PCDH11Y: variants seen among roughly 807,000 people sequenced by gnomAD.
The protein encoded by PCDH11Y is protocadherin-11 Y-linked.
For synonymous variants in PCDH11Y, 9 were observed against 83.6 expected (o/e 0.11, Z 4.87); for missense variants, 12 against 224.8 (o/e 0.05, Z 6.05).
intron 2 of PCDH11Y, among the ~76,000 whole-genome samples, chrY:5,406,935 A>G: frequency 6.1e-5 from 2 of 32,885 alleles, no homozygotes; most frequent in African/African-American, 1.2e-4. Flanking sequence ...ACCTTTTGCT[A>G]TGTAATCTTT....
chrY:5,237,596 A>C (rs2052977234), intron 2 of PCDH11Y, among the ~76,000 whole-genome samples: 1 of 32,275 alleles, frequency 3.1e-5, no homozygotes, highest in Non-Finnish European at 7.6e-5. Context: ...AGAAGGAAAT[A>C]AAGGGTATTC....
intron 4 of PCDH11Y, among the ~76,000 whole-genome samples, chrY:5,695,080 C>T (rs1275419183): frequency 3.4e-5 from 1 of 29,685 alleles, no homozygotes; most frequent in Non-Finnish European, 8.2e-5. Flanking sequence ...GGTGTATACA[C>T]ACACACACAC....
chrY:5,108,546 G>C, downstream of PCDH11Y, among the ~76,000 whole-genome samples: 1 of 30,862 alleles, frequency 3.2e-5, no homozygotes, highest in Non-Finnish European at 7.7e-5. Context: ...AGGAGATCGA[G>C]ACCATCCTGG....
At chrY:5,039,537 T>C in intron 3 of PCDH11Y, among the ~76,000 whole-genome samples, 1 of 33,433 alleles carries the variant, frequency 3.0e-5, no homozygotes, top group Admixed American at 2.7e-4. Context: ...ATTTATCAGC[T>C]ATAAAGAAAT....
chrY:5,437,994 C>G, intron 2 of PCDH11Y, among the ~76,000 whole-genome samples: 3 of 32,878 alleles, frequency 9.1e-5, no homozygotes, highest in Admixed American at 2.8e-4. Flanking sequence ...TACACAGTTT[C>G]AATTTTTTTT....
At chrY:5,344,754 C>T in intron 2 of PCDH11Y, among the ~76,000 whole-genome samples, 1 of 32,888 alleles carries the variant, frequency 3.0e-5, no homozygotes, top group Non-Finnish European at 7.5e-5. Context: ...CTGCAACCTC[C>T]GCCTCCTGGG....
intron 2 of PCDH11Y, among the ~76,000 whole-genome samples, chrY:5,397,285 G>T: frequency 3.2e-5 from 1 of 31,021 alleles, no homozygotes; most frequent in Non-Finnish European, 7.7e-5. Flanking sequence ...ATTGTAAGTA[G>T]AATTGTATTC....
chrY:5,357,666 G>A (rs2124671329), intron 2 of PCDH11Y, among the ~76,000 whole-genome samples: 2 of 32,530 alleles, frequency 6.1e-5, no homozygotes, highest in African/African-American at 1.2e-4. Flanking sequence ...TTGCACATTC[G>A]TTTATATATG....
At chrY:5,222,306 G>T in intron 2 of PCDH11Y, among the ~76,000 whole-genome samples, 1 of 32,597 alleles carries the variant, frequency 3.1e-5, no homozygotes, top group Non-Finnish European at 7.5e-5. Flanking sequence ...GGTTTTGGAG[G>T]TGTTCTCTCC....
At chrY:5,503,766 A>ATT (rs2053356387) in intron 3 of PCDH11Y, among the ~76,000 whole-genome samples, 1 of 32,506 alleles carries the variant, frequency 3.1e-5, no homozygotes, top group African/African-American at 1.2e-4. Context: ...AATTGGCCAT[A>ATT]GCAAAGTAAT....
downstream of PCDH11Y, among the ~76,000 whole-genome samples, chrY:5,108,068 A>C (rs2052796215): frequency 3.9e-5 from 1 of 25,615 alleles, no homozygotes; most frequent in Non-Finnish European, 7.9e-5. Flanking sequence ...CAAAAAAAAA[A>C]AAAAAACAAA....
rs2053592144 is a variant in PCDH11Y at position 5,718,773 on chromosome Y, T to C, written c.3353-18499T>C. Among the ~76,000 whole-genome samples, 29 of 33,184 alleles carry C rather than the reference T, an allele frequency of 8.7e-4. No homozygotes were observed. The East Asian group carries it at 0.023, about 27-fold the overall frequency. The allele number at this position is 33,184 out of a possible 37,273, so 89.0% of individuals were successfully genotyped here. ...AGATACCCGAAAATGTGGAAGTGAC[T>C]TTGGAACTGGGTAACAGGCAGAGAT... On this transcript the variant is annotated intron_variant, in intron 4 of 4. Transcript: ENST00000400457.
chrY:5,451,477 A>G, intron 2 of PCDH11Y, among the ~76,000 whole-genome samples: 1 of 32,785 alleles, frequency 3.1e-5, no homozygotes, highest in Non-Finnish European at 7.5e-5. Flanking sequence ...TCCCTTTGGT[A>G]AGTTAATAGA....
intron 1 of PCDH11Y, among the ~76,000 whole-genome samples, chrY:5,031,522 T>C: frequency 1.2e-4 from 4 of 32,989 alleles, no homozygotes; most frequent in Non-Finnish European, 3.0e-4. Flanking sequence ...AAATATGCAT[T>C]AAATGCTTTA....
intron 4 of PCDH11Y, among the ~76,000 whole-genome samples, chrY:5,653,167 A>G: frequency 3.5e-5 from 1 of 28,928 alleles, no homozygotes; most frequent in Admixed American, 3.4e-4. Flanking sequence ...CCAGAGCAGA[A>G]AAGCTGAAAA....
chrY:5,519,173 G>A, intron 3 of PCDH11Y, among the ~76,000 whole-genome samples: 1 of 32,251 alleles, frequency 3.1e-5, no homozygotes, highest in South Asian at 7.0e-4. Flanking sequence ...GGTGGATCAC[G>A]AGGTCAGGAG....
chrY:5,124,421 C>A, intron 2 of PCDH11Y, among the ~76,000 whole-genome samples: 1 of 32,786 alleles, frequency 3.1e-5, no homozygotes, highest in Non-Finnish European at 7.5e-5. Context: ...TTGCCAAACT[C>A]AATGGACATT....
At chrY:5,691,287 T>G in intron 4 of PCDH11Y, among the ~76,000 whole-genome samples, 1 of 34,010 alleles carries the variant, frequency 2.9e-5, no homozygotes, top group Non-Finnish European at 7.3e-5. Flanking sequence ...AACATTCTAA[T>G]GCTGATTACA....
At chrY:5,372,719 CCTTCCTTT>C (rs2053188855) in intron 2 of PCDH11Y, among the ~76,000 whole-genome samples, 1 of 30,423 alleles carries the variant, frequency 3.3e-5, no homozygotes, top group African/African-American at 1.3e-4. Context: ...TTCCTTCCTT[CCTTCCTTT>C]CTTTCTTTCT....
Sources: allele counts gnomAD v4.1 joint callset (sites outside exome capture counted in the v4.1 genomes callset), GRCh38; gene constraint gnomAD v4.1.1; transcripts MANE v1.5; gene names NCBI Gene and HGNC (gene_info 2026-07-23, HGNC 2026-07-21).